Variants in PCOLCE2 observed in about 807,000 individuals in gnomAD.
The protein encoded by PCOLCE2 is procollagen C-endopeptidase enhancer 2.
Under a neutral mutation model 47.0 loss-of-function variants are expected in PCOLCE2, and 42 were observed. The observed-to-expected ratio is 0.89, with a 90% CI of 0.70 to 1.16. The LOEUF (loss-of-function observed/expected upper bound fraction) is 1.16, where lower values mean the gene tolerates loss of function less well. Among genes scored for constraint, PCOLCE2 ranks in the 50% most tolerant of loss-of-function variants. The pLI, the probability that PCOLCE2 is intolerant of heterozygous loss-of-function variation, is 0.00. For synonymous variants in PCOLCE2, 169 were observed against 191.7 expected (o/e 0.88, Z 0.98); for missense variants, 500 against 526.1 (o/e 0.95, Z 0.49).
chr3:142,830,000 C>A, intron 5 of PCOLCE2, 154 bp from the exon 6 acceptor site: 1 of 525,082 alleles, frequency 1.9e-6, no homozygotes, highest in Non-Finnish European at 3.3e-6. Flanking sequence ...ATTCTAATAG[C>A]TAACATTTAC....
intron 8 of PCOLCE2, among the ~76,000 whole-genome samples, chr3:142,819,273 T>C (rs1273882000): frequency 6.6e-6 from 1 of 152,204 alleles, no homozygotes; most frequent in Non-Finnish European, 1.5e-5. Flanking sequence ...TGAATATTTA[T>C]ATTACCTCAG....
intron 5 of PCOLCE2, among the ~76,000 whole-genome samples, chr3:142,832,809 T>TC (rs1380732226): frequency 6.6e-6 from 1 of 152,220 alleles, no homozygotes; most frequent in Non-Finnish European, 1.5e-5. Flanking sequence ...TGTCTACCTA[T>TC]CCCCAGTGCT....
chr3:142,852,046 A>G (rs1225167869), intron 2 of PCOLCE2, among the ~76,000 whole-genome samples: 1 of 152,268 alleles, frequency 6.6e-6, no homozygotes, highest in Non-Finnish European at 1.5e-5. Context: ...TTTTGAACAC[A>G]TGCTGACCCG....
At position 142,818,110 on chromosome 3, in the gene PCOLCE2, C is replaced by T. The variant is rs771740928; in HGVS notation, c.*225G>A. The T allele has an allele frequency of 1.9e-5, 8 of 422,928 alleles. No homozygotes were observed. The highest frequency in any genetic ancestry group is 6.0e-5 in the African/African-American group (3 of 50,082). 26.2% of individuals were successfully genotyped at this position (422,928 alleles called of 1,614,324 possible). On this transcript the variant is annotated 3_prime_UTR_variant, in exon 9 of 9. Transcript: ENST00000295992. ...TTAGCTTCCTATCACCGCACTAAGT[C>T]GGCAGGTTTCCAATCAGATAGCTGC...
At chr3:142,838,405 C>G (rs1413229171) in intron 5 of PCOLCE2, among the ~76,000 whole-genome samples, 1 of 152,088 alleles carries the variant, frequency 6.6e-6, no homozygotes, top group Non-Finnish European at 1.5e-5. Context: ...GCTCTCTGCT[C>G]TCTGGTCATT....
intron 2 of PCOLCE2, among the ~76,000 whole-genome samples, chr3:142,865,104 G>A (rs1379469798): frequency 1.3e-5 from 2 of 151,338 alleles, no homozygotes; most frequent in African/African-American, 2.4e-5. Context: ...TACCAGCAGT[G>A]TATGAGAGTT....
At chr3:142,879,836 G>T (rs942203528) in intron 2 of PCOLCE2, among the ~76,000 whole-genome samples, 3 of 151,758 alleles carry the variant, frequency 2.0e-5, no homozygotes, top group South Asian at 2.1e-4. Context: ...CAGGCGTGGT[G>T]GGGGGGCGCC....
intron 2 of PCOLCE2, among the ~76,000 whole-genome samples, chr3:142,884,410 T>A (rs1372726902): frequency 6.6e-6 from 1 of 152,186 alleles, no homozygotes; most frequent in Non-Finnish European, 1.5e-5. Flanking sequence ...CACATTTAAC[T>A]CATACCCACG....
chr3:142,844,416 T>TAAA (rs1162587273), intron 3 of PCOLCE2, among the ~76,000 whole-genome samples: 2 of 152,198 alleles, frequency 1.3e-5, no homozygotes, highest in Non-Finnish European at 2.9e-5. Flanking sequence ...TTCTCTTATA[T>TAAA]AAATACCCAG....
At chr3:142,843,493 A>T (rs1174282400) in intron 3 of PCOLCE2, among the ~76,000 whole-genome samples, 1 of 150,558 alleles carries the variant, frequency 6.6e-6, no homozygotes, top group African/African-American at 2.4e-5. Flanking sequence ...TATATATATA[A>T]TATGTATATA....
intron 2 of PCOLCE2, among the ~76,000 whole-genome samples, chr3:142,852,193 T>C (rs1471711451): frequency 6.6e-6 from 1 of 152,242 alleles, no homozygotes; most frequent in Non-Finnish European, 1.5e-5. Context: ...AGAAGCATAC[T>C]GCTGTGAGCC....
chr3:142,872,743 C>T (rs1023262079), intron 2 of PCOLCE2, among the ~76,000 whole-genome samples: 1 of 152,158 alleles, frequency 6.6e-6, no homozygotes, highest in Non-Finnish European at 1.5e-5. Flanking sequence ...AGTGACAATG[C>T]CCGTTTCCCT....
intron 2 of PCOLCE2, among the ~76,000 whole-genome samples, chr3:142,883,355 A>G (rs1370869357): frequency 6.6e-6 from 1 of 152,084 alleles, no homozygotes; most frequent in Non-Finnish European, 1.5e-5. Context: ...CACCCATACC[A>G]TATGCAGCCA....
chr3:142,845,883 A>T (rs1362689509), intron 3 of PCOLCE2, among the ~76,000 whole-genome samples: 3 of 151,968 alleles, frequency 2.0e-5, no homozygotes, highest in Non-Finnish European at 4.4e-5. Flanking sequence ...GTTGAGGCAC[A>T]AAAATCGCTT....
In PCOLCE2 at chr3:142,829,809, A is replaced by G; in HGVS notation, c.748T>C (p.Phe250Leu). The G allele has an allele frequency of 1.3e-6, 2 of 1,599,296 alleles. No homozygotes were observed. Among genetic ancestry groups the G allele is most frequent in the Non-Finnish European group, 1.7e-6 (2 of 1,171,292 alleles). The change falls in exon 6 of 9, where the codon TTT becomes CTT. Residue 250 changes from phenylalanine (F) to leucine (L), a missense_variant. Phe to Leu is a conservative substitution (Grantham distance 22, BLOSUM62 0). Transcript: ENST00000295992. ...GCAGTTAAACTTAAGTCTGATAAAA[A>G]CTGAATAAGAAGTTCATTTCTCTCA... ...VSERNELLIQFLSDLSLTADG... is the reference protein window; with the variant it reads ...VSERNELLIQLLSDLSLTADG...
chr3:142,820,632 C>G (rs1937002146), intron 8 of PCOLCE2, among the ~76,000 whole-genome samples: 3 of 152,218 alleles, frequency 2.0e-5, no homozygotes, highest in African/African-American at 7.2e-5. Context: ...CTGCACTGCT[C>G]TGTGTGTCTG....
intron 2 of PCOLCE2, among the ~76,000 whole-genome samples, chr3:142,870,490 T>C (rs1933368172): frequency 6.6e-6 from 1 of 152,144 alleles, no homozygotes; most frequent in Admixed American, 6.5e-5. Flanking sequence ...ACATCAAGCG[T>C]TAGGAAGACT....
chr3:142,876,021 T>C (rs1488591169), intron 2 of PCOLCE2, among the ~76,000 whole-genome samples: 3 of 152,196 alleles, frequency 2.0e-5, no homozygotes, highest in South Asian at 2.1e-4. Flanking sequence ...TAATAAATCA[T>C]TGCACCCAAA....
intron 2 of PCOLCE2, among the ~76,000 whole-genome samples, chr3:142,870,310 C>T (rs537242241): frequency 1.3e-5 from 2 of 152,246 alleles, no homozygotes; most frequent in South Asian, 2.1e-4. Context: ...AGATCACACT[C>T]GAGATCTAAA....
Sources: gnomAD v4.1 joint callset for allele counts (sites outside exome capture counted in the v4.1 genomes callset) on GRCh38, gnomAD v4.1.1 for gene constraint, MANE v1.5 for transcripts, NCBI Gene and HGNC (gene_info 2026-07-23, HGNC 2026-07-21) for gene names.